The following PCDHGC4 variants were observed in gnomAD, a reference collection of about 807,000 sequenced individuals.
PCDHGC4 encodes the protein protocadherin gamma subfamily C, 4, also known as protocadherin gamma-C4.
PCDHGC4 carries 15 observed loss-of-function variants against 59.7 expected under a neutral mutation model. The ratio of observed to expected loss-of-function variants is 0.25; its 90% CI spans 0.17 to 0.39. PCDHGC4 has a LOEUF of 0.39. Among genes scored for constraint, PCDHGC4 ranks in the 10% least tolerant of loss-of-function variants. The probability of loss-of-function intolerance (pLI) is 1.00; values close to 1 mark genes in which losing one functional copy is unlikely to be tolerated. For synonymous variants in PCDHGC4, 434 were observed against 481.4 expected (o/e 0.90, Z 1.29); for missense variants, 1,016 against 1,189.5 (o/e 0.85, Z 2.15).
chr5:141,508,935 A>T (rs180987868), intron 3 of PCDHGC4, among the ~76,000 whole-genome samples: 2 of 152,118 alleles, frequency 1.3e-5, no homozygotes, highest in Non-Finnish European at 2.9e-5. Context: ...GGAGTTAATT[A>T]GGGAAAACAG....
In PCDHGC4 at chr5:141,487,762, T is replaced by C; in HGVS notation, c.2442+147T>C. 6.5e-7 allele frequency: 1 copy of C among 1,545,432 alleles called. No homozygotes were observed. The highest frequency in any genetic ancestry group is 8.8e-7 in the Non-Finnish European group (1 of 1,142,332). ...TAAGAGGTAACTATGTGGTAGACGC[T>C]GTGCTTTGTAACTGTTTCGTGAATT... On this transcript the variant is annotated intron_variant, in intron 1 of 3. Coordinates refer to ENST00000306593, the MANE Select transcript of PCDHGC4 (RefSeq NM_018928.3). The surrounding 1 kb of genome is among the most constrained non-coding windows in gnomAD (Gnocchi z 5.0).
At chr5:141,504,483 AGGCACC>A (rs2099838618) in intron 2 of PCDHGC4, among the ~76,000 whole-genome samples, 1 of 151,954 alleles carries the variant, frequency 6.6e-6, no homozygotes, top group Non-Finnish European at 1.5e-5. Flanking sequence ...AGTACAGTGG[AGGCACC>A]TGCCCAGTCT....
At position 141,491,514 on chromosome 5, in the gene PCDHGC4, G is replaced by A. The variant is rs753335815; in HGVS notation, c.2443-3293G>A. ...AGGTGAGCTCGGACGGCACGCTCAAGTACATGGAGGTGACGCTGCGGCCCA... is the reference window on the plus strand; with the variant it reads ...AGGTGAGCTCGGACGGCACGCTCAAATACATGGAGGTGACGCTGCGGCCCA... On this transcript the variant is annotated intron_variant, in intron 1 of 3. Coordinates refer to ENST00000306593, the MANE Select transcript of PCDHGC4 (RefSeq NM_018928.3). The surrounding 1 kb of genome is among the most constrained non-coding windows in gnomAD (Gnocchi z 6.9). 2 of 1,613,964 alleles carry A rather than the reference G, an allele frequency of 1.2e-6. No individual in the cohort carries two copies. Among genetic ancestry groups the A allele is most frequent in the East Asian group, 2.2e-5 (1 of 44,892 alleles).
At chr5:141,499,025 G>A (rs561539084) in intron 2 of PCDHGC4, among the ~76,000 whole-genome samples, 4 of 140,712 alleles carry the variant, frequency 2.8e-5, no homozygotes, top group Admixed American at 1.4e-4. Context: ...AGGAAGGAAG[G>A]AAGAAAAGAA....
intron 2 of PCDHGC4, among the ~76,000 whole-genome samples, chr5:141,500,180 TTA>T (rs2099797073): frequency 7.1e-6 from 1 of 140,608 alleles, no homozygotes; most frequent in African/African-American, 2.8e-5. Flanking sequence ...AGCTTCATTT[TTA>T]TTTTTATTTA....
rs2099610288 is a variant in PCDHGC4, at chr5:141,485,252, G to A, written c.79G>A (p.Val27Ile). ...GTTCCTCTTTTACCACCTGGGTTAC[G>A]TTTGTGGGCAGATCCGCTACCCGGT... ...LLFLFYHLGY[V>I]CGQIRYPVPE... is the part of the protein sequence containing the mutation. The change falls in exon 1 of 4, where the codon GTT becomes ATT. Residue 27 changes from valine (V) to isoleucine (I), a missense_variant. Coordinates refer to ENST00000306593, the MANE Select transcript of PCDHGC4 (RefSeq NM_018928.3). This position sits in a 1 kb window ranked among gnomAD's most constrained non-coding sequence, Gnocchi z 5.7. 6.2e-7 allele frequency: 1 copy of A among 1,614,042 alleles called. No individual in the cohort carries two copies. The highest frequency in any genetic ancestry group is 1.7e-5 in the Admixed American group (1 of 60,008).
At position 141,511,237 on chromosome 5, in the gene PCDHGC4, TG is replaced by T; in HGVS notation, c.*65del. 1 of 1,590,378 alleles carries T rather than the reference TG, an allele frequency of 6.3e-7. No individual in the cohort carries two copies. Among genetic ancestry groups the T allele is most frequent in the Non-Finnish European group, 8.6e-7 (1 of 1,168,304 alleles). On this transcript the variant is annotated 3_prime_UTR_variant, in exon 4 of 4. Transcript: ENST00000306593. ...CCAACCAGCCCAGCTTCTCCTTACC[TG>T]CACCCAGGCCTCAGAGTTTCAGGGC...
chr5:141,503,894 T>C (rs898125492), intron 2 of PCDHGC4, among the ~76,000 whole-genome samples: 2 of 152,144 alleles, frequency 1.3e-5, no homozygotes, highest in African/African-American at 4.8e-5. Flanking sequence ...CATGACAAAA[T>C]ATGCACACAC....
rs116140192 is a variant in PCDHGC4, at chr5:141,497,400, A to C, written c.2501+2535A>C. Among the ~76,000 whole-genome samples, 87 of 152,110 alleles carry C rather than the reference A, an allele frequency of 5.7e-4. 1 individual carries two copies. Among genetic ancestry groups the C allele is most frequent in the African/African-American group, 2.0e-3 (82 of 41,484 alleles). ...GGGGTGAGCACCTTACCCCTGCCTCAACTCCCATTCCATCAAATGAGAGGC... is the reference window on the plus strand; with the variant it reads ...GGGGTGAGCACCTTACCCCTGCCTCCACTCCCATTCCATCAAATGAGAGGC... On this transcript the variant is annotated intron_variant, in intron 2 of 3. Coordinates refer to ENST00000306593, the MANE Select transcript of PCDHGC4 (RefSeq NM_018928.3).
rs779949817 is a variant in PCDHGC4 at position 141,487,266 on chromosome 5, T to G, written c.2093T>G (p.Val698Gly). The G allele has an allele frequency of 6.2e-7, 1 of 1,614,054 alleles. No individual in the cohort carries two copies. The highest frequency in any genetic ancestry group is 8.5e-7 in the Non-Finnish European group (1 of 1,180,044). The change falls in exon 1 of 4, where the codon GTG (valine) becomes GGG (glycine). Residue 698 changes from valine (V) to glycine (G), a missense_variant. Physicochemically the swap from Val to Gly is moderately radical, Grantham distance 109. Transcript: ENST00000306593. This position sits in a 1 kb window ranked among gnomAD's most constrained non-coding sequence, Gnocchi z 5.0. ...RLTLYLAVSL[V>G]AICFVSFGSF... The stretch of plus-strand genomic sequence containing the variant: ...ACCCTCTACTTGGCTGTGTCCCTAG[T>G]GGCAATTTGCTTTGTCTCCTTTGGC...
rs1329435709 is a variant in PCDHGC4 at position 141,485,726 on chromosome 5, C to T, written c.553C>T (p.Arg185Cys). ...ACACTTTGCACTGGATGTGAAGAAGCGCAGCGACGGCAGCCTGGTCCCAGA... is the reference window on the plus strand; with the variant it reads ...ACACTTTGCACTGGATGTGAAGAAGTGCAGCGACGGCAGCCTGGTCCCAGA... ...NEHFALDVKK[R>C]SDGSLVPELL... Residue 185 changes from arginine to cysteine, a missense_variant, in exon 1 of 4, where the codon CGC becomes TGC. Physicochemically the swap from Arg to Cys is radical, Grantham distance 180. Coordinates refer to ENST00000306593, the MANE Select transcript of PCDHGC4 (RefSeq NM_018928.3). This position sits in a 1 kb window ranked among gnomAD's most constrained non-coding sequence, Gnocchi z 5.7. 2 of 1,614,138 alleles carry T rather than the reference C, an allele frequency of 1.2e-6. No homozygotes were observed. The highest frequency in any genetic ancestry group is 8.5e-7 in the Non-Finnish European group (1 of 1,180,024).
Position 141,487,203 on chromosome 5 carries a change from G to A in PCDHGC4, c.2030G>A (p.Arg677Gln), listed in dbSNP as rs765707343. 6.8e-6 allele frequency: 11 copies of A among 1,613,804 alleles called. No homozygotes were observed. The highest frequency in any genetic ancestry group is 5.3e-5 in the African/African-American group (4 of 74,890). ...EDTHPVVPDL[R>Q]ESSAPREGES... The stretch of plus-strand genomic sequence containing the variant: ...ACTCATCCAGTTGTCCCAGATCTTC[G>A]AGAATCTTCAGCTCCAAGGGAAGGA... Residue 677 changes from arginine (R) to glutamine (Q), a missense_variant, in exon 1 of 4, where the codon CGA becomes CAA. Arg to Gln is a conservative substitution (Grantham distance 43). Transcript: ENST00000306593. This position sits in a 1 kb window ranked among gnomAD's most constrained non-coding sequence, Gnocchi z 5.0.
Position 141,490,876 on chromosome 5 carries a change from G to T in PCDHGC4, c.2442+3261G>T. On this transcript the variant is annotated intron_variant, in intron 1 of 3. Coordinates refer to ENST00000306593, the MANE Select transcript of PCDHGC4 (RefSeq NM_018928.3). The surrounding 1 kb of genome is among the most constrained non-coding windows in gnomAD (Gnocchi z 5.4). Reference sequence around the variant, plus strand: ...AGACTCCGGCTCTCCCCCATTGCATGCCAACACATCTCTGCATGTGTTTGT... The same window carrying T: ...AGACTCCGGCTCTCCCCCATTGCATTCCAACACATCTCTGCATGTGTTTGT... 6.2e-7 allele frequency: 1 copy of T among 1,613,840 alleles called. No homozygotes were observed. The highest frequency in any genetic ancestry group is 8.5e-7 in the Non-Finnish European group (1 of 1,179,894).
In PCDHGC4 at chr5:141,485,609, G is replaced by A. The variant is rs1432367043; in HGVS notation, c.436G>A (p.Ala146Thr). The A allele has an allele frequency of 6.2e-7, 1 of 1,612,252 alleles. No homozygotes were observed. Among genetic ancestry groups the A allele is most frequent in the Non-Finnish European group, 8.5e-7 (1 of 1,178,656 alleles). Residue 146 changes from alanine (A) to threonine (T), a missense_variant, in exon 1 of 4, where the codon GCT (alanine) becomes ACT (threonine). Transcript: ENST00000306593. This position sits in a 1 kb window ranked among gnomAD's most constrained non-coding sequence, Gnocchi z 5.7. Reference protein sequence around the residue: ...QQLDLEIGEAAPPGQRFPLEK... With the variant: ...QQLDLEIGEATPPGQRFPLEK... ...GCTGGACTTGGAAATTGGGGAGGCA[G>A]CTCCTCCAGGACAGCGTTTCCCGTT...
Position 141,490,611 on chromosome 5 carries a change from G to GCTTTA in PCDHGC4, c.2442+2998_2442+3002dup. On this transcript the variant is annotated intron_variant, in intron 1 of 3. Coordinates refer to ENST00000306593, the MANE Select transcript of PCDHGC4 (RefSeq NM_018928.3). The surrounding 1 kb of genome is among the most constrained non-coding windows in gnomAD (Gnocchi z 5.4). The stretch of plus-strand genomic sequence containing the variant: ...ACAATGCACCCCGCTTCAACCAGCA[G>GCTTTA]CTTTACACTGCTTACATCCTAGAAA... 6.2e-7 allele frequency: 1 copy of GCTTTA among 1,614,170 alleles called. No individual in the cohort carries two copies. Among genetic ancestry groups the GCTTTA allele is most frequent in the Non-Finnish European group, 8.5e-7 (1 of 1,180,036 alleles).
chr5:141,491,800 C>T lies in PCDHGC4; in HGVS notation c.2443-3007C>T. The T allele has an allele frequency of 6.7e-7, 1 of 1,500,854 alleles. No individual in the cohort carries two copies. Among genetic ancestry groups the T allele is most frequent in the Non-Finnish European group, 8.9e-7 (1 of 1,125,316 alleles). 93.0% of individuals were successfully genotyped at this position (1,500,854 alleles called of 1,614,324 possible). A position where few individuals can be genotyped will look rare whatever the true frequency, so the allele number is the denominator to read the frequency against. Reference sequence around the variant, plus strand: ...GAACTTGCATCCACTCCTCTCCGGCCGGCTTGGTCGCTGGCTGCGCTCCAC... The same window carrying T: ...GAACTTGCATCCACTCCTCTCCGGCTGGCTTGGTCGCTGGCTGCGCTCCAC... On this transcript the variant is annotated intron_variant, in intron 1 of 3. Transcript: ENST00000306593. The surrounding 1 kb of genome is among the most constrained non-coding windows in gnomAD (Gnocchi z 6.9).
rs1303066281 is a variant in PCDHGC4, at chr5:141,511,199, G to A, written c.*26G>A. The A allele has an allele frequency of 1.2e-6, 2 of 1,612,750 alleles. No homozygotes were observed. The highest frequency in any genetic ancestry group is 1.3e-5 in the African/African-American group (1 of 74,896). On this transcript the variant is annotated 3_prime_UTR_variant, in exon 4 of 4. Transcript: ENST00000306593. The stretch of plus-strand genomic sequence containing the variant: ...CATGGAGGCCAGGCCAAGAGCCACA[G>A]GGCGGCCTCTCCCCAACCAGCCCAG...
chr5:141,500,497 C>T (rs1214550546), intron 2 of PCDHGC4, among the ~76,000 whole-genome samples: 1 of 152,174 alleles, frequency 6.6e-6, no homozygotes, highest in Non-Finnish European at 1.5e-5. Context: ...GCGTGAGCCA[C>T]CGCGCCTGGC....
chr5:141,503,417 A>T (rs1431276679), intron 2 of PCDHGC4, among the ~76,000 whole-genome samples: 2 of 151,968 alleles, frequency 1.3e-5, no homozygotes, highest in Non-Finnish European at 2.9e-5. Flanking sequence ...CAATATGGTG[A>T]AACCCCATCT....
Sources: allele counts gnomAD v4.1 joint callset (sites outside exome capture counted in the v4.1 genomes callset), GRCh38; gene constraint gnomAD v4.1.1; non-coding constraint Gnocchi (gnomAD v3.1); transcripts MANE v1.5; gene names NCBI Gene and HGNC (gene_info 2026-07-23, HGNC 2026-07-21).